The following GPC5 variants were observed in gnomAD, a reference collection of about 807,000 sequenced individuals.
GPC5 encodes the protein glypican-5.
In GPC5, 47 loss-of-function variants were observed where a neutral mutation model predicts 53.9. That is an observed-to-expected ratio of 0.87 (90% CI 0.69 to 1.11). The LOEUF (loss-of-function observed/expected upper bound fraction) is 1.11. Among genes scored for constraint, GPC5 ranks in the 50% most tolerant of loss-of-function variants. The pLI, the probability that GPC5 is intolerant of heterozygous loss-of-function variation, is 0.00. For synonymous variants in GPC5, 286 were observed against 263.3 expected (o/e 1.09, Z -0.84); for missense variants, 748 against 713.1 (o/e 1.05, Z -0.56).
chr13:91,455,936 T>G (rs1438308151), intron 2 of GPC5, among the ~76,000 whole-genome samples: 1 of 152,114 alleles, frequency 6.6e-6, no homozygotes, highest in Non-Finnish European at 1.5e-5. Flanking sequence ...GACCACATAC[T>G]TTCAATAATT....
chr13:92,355,680 T>C (rs2043515516), intron 7 of GPC5, among the ~76,000 whole-genome samples: 1 of 152,158 alleles, frequency 6.6e-6, no homozygotes, highest in Admixed American at 6.5e-5. Flanking sequence ...CATGCTGACT[T>C]CTTTATTTCT....
intron 5 of GPC5, among the ~76,000 whole-genome samples, chr13:91,842,001 T>C (rs1195517542): frequency 4.6e-5 from 7 of 152,226 alleles, no homozygotes; most frequent in Non-Finnish European, 7.3e-5. Context: ...ATTTCAATTC[T>C]ACCTTTTCCC....
At chr13:91,456,773 C>T (rs1054289007) in intron 2 of GPC5, among the ~76,000 whole-genome samples, 2 of 150,262 alleles carry the variant, frequency 1.3e-5, no homozygotes, top group African/African-American at 2.4e-5. Flanking sequence ...GTAAAATTCA[C>T]GTGGGTGTTT....
At chr13:92,282,601 T>C (rs2042924370) in intron 7 of GPC5, among the ~76,000 whole-genome samples, 1 of 151,554 alleles carries the variant, frequency 6.6e-6, no homozygotes, top group Non-Finnish European at 1.5e-5. Flanking sequence ...TTCAACATTC[T>C]TAAAGAATTT....
chr13:92,692,935 A>C (rs1277094807), intron 7 of GPC5, among the ~76,000 whole-genome samples: 2 of 151,710 alleles, frequency 1.3e-5, no homozygotes, highest in Non-Finnish European at 2.9e-5. Flanking sequence ...ATTGAGGGAG[A>C]GACCTGGTGG....
At chr13:91,609,460 A>G (rs1038024511) in intron 2 of GPC5, among the ~76,000 whole-genome samples, 4 of 152,190 alleles carry the variant, frequency 2.6e-5, no homozygotes, top group African/African-American at 7.2e-5. Flanking sequence ...TCAACCCCAG[A>G]GGAGGACTCT....
intron 7 of GPC5, among the ~76,000 whole-genome samples, chr13:92,359,871 A>G (rs1926655): frequency 0.3 from 45,702 of 151,452 alleles, 7,538 homozygotes; most frequent in South Asian, 0.41. Context: ...TTAAAATTTG[A>G]CATGAGATTG....
chr13:92,792,489 A>G (rs532292814), intron 7 of GPC5, among the ~76,000 whole-genome samples: 1 of 152,256 alleles, frequency 6.6e-6, no homozygotes, highest in South Asian at 2.1e-4. Context: ...TCAACTAACA[A>G]GCAAAATAAA....
rs190348984 is a variant in GPC5, at chr13:92,628,336, G to C, written c.1562-237946G>C. 7.4e-3 allele frequency among the ~76,000 whole-genome samples: 999 copies of C among 134,570 alleles called. 13 individuals are homozygous for C. The highest frequency in any genetic ancestry group is 0.026 in the African/African-American group (872 of 33,952). 88.3% of individuals were successfully genotyped at this position (134,570 alleles called of 152,430 possible). On this transcript the variant is annotated intron_variant, in intron 7 of 7. Coordinates refer to ENST00000377067, the MANE Select transcript of GPC5 (RefSeq NM_004466.6). ...TGTCACCCAGGCTGGAGTGCAGTGG[G>C]GCAGTCTTGGCTCACTGCAACCTCC...
At chr13:91,768,129 T>C (rs1166605310) in intron 5 of GPC5, among the ~76,000 whole-genome samples, 1 of 152,196 alleles carries the variant, frequency 6.6e-6, no homozygotes, top group Non-Finnish European at 1.5e-5. Context: ...TGTTGAATGA[T>C]TTATTATATA....
chr13:92,734,520 A>C (rs1888888187), intron 7 of GPC5, among the ~76,000 whole-genome samples: 1 of 151,946 alleles, frequency 6.6e-6, no homozygotes, highest in Non-Finnish European at 1.5e-5. Context: ...ATGAAAAATA[A>C]CAATTATGAA....
intron 7 of GPC5, among the ~76,000 whole-genome samples, chr13:92,706,324 T>C (rs1396821758): frequency 6.6e-6 from 1 of 152,068 alleles, no homozygotes; most frequent in Non-Finnish European, 1.5e-5. Flanking sequence ...AAGGCTTAAC[T>C]TCATTTTCAT....
At chr13:92,180,218 C>T (rs2042136842) in intron 7 of GPC5, among the ~76,000 whole-genome samples, 1 of 152,208 alleles carries the variant, frequency 6.6e-6, no homozygotes, top group Admixed American at 6.5e-5. Flanking sequence ...TACCACAGGG[C>T]TAAATTCCTT....
At position 92,345,800 on chromosome 13, in the gene GPC5, G is replaced by T. The variant is rs180830476; in HGVS notation, c.1561+200811G>T. 2.0e-5 allele frequency among the ~76,000 whole-genome samples: 3 copies of T among 152,212 alleles called. No individual in the cohort carries two copies. The East Asian group carries it at 5.8e-4, about 29-fold the overall frequency. ...GCCCACTTCAGTCTCAACTCATGGG[G>T]AACAATGGGGCTAAAGGCATACCTA... On this transcript the variant is annotated intron_variant, in intron 7 of 7. Transcript: ENST00000377067.
intron 7 of GPC5, among the ~76,000 whole-genome samples, chr13:92,710,140 A>C (rs746151006): frequency 5.9e-5 from 9 of 152,214 alleles, no homozygotes; most frequent in Non-Finnish European, 1.2e-4. Context: ...TTGTCATAAT[A>C]GTCAAATCAT....
intron 5 of GPC5, among the ~76,000 whole-genome samples, chr13:91,904,869 C>G (rs1392652938): frequency 6.6e-6 from 1 of 152,052 alleles, no homozygotes; most frequent in African/African-American, 2.4e-5. Context: ...GAAAAGTCTT[C>G]AGGGAATCCT....
chr13:91,571,683 C>T (rs145029162), intron 2 of GPC5, among the ~76,000 whole-genome samples: 7 of 150,848 alleles, frequency 4.6e-5, no homozygotes, highest in African/African-American at 1.2e-4. Flanking sequence ...CAAGATGGTG[C>T]CCCTTCACTC....
intron 7 of GPC5, among the ~76,000 whole-genome samples, chr13:92,595,483 T>C (rs1298866384): frequency 6.6e-6 from 1 of 152,130 alleles, no homozygotes; most frequent in Non-Finnish European, 1.5e-5. Flanking sequence ...AAGATAGTAT[T>C]TACGGCCGGG....
chr13:92,280,747 A>C (rs1370283339), intron 7 of GPC5, among the ~76,000 whole-genome samples: 1 of 152,182 alleles, frequency 6.6e-6, no homozygotes, highest in Non-Finnish European at 1.5e-5. Flanking sequence ...TTATAAGAAA[A>C]TATGACGGGG....
Sources: gnomAD v4.1 joint callset for allele counts (sites outside exome capture counted in the v4.1 genomes callset) on GRCh38, gnomAD v4.1.1 for gene constraint, MANE v1.5 for transcripts, NCBI Gene and HGNC (gene_info 2026-07-23, HGNC 2026-07-21) for gene names.